PCDHGB4: variants seen among roughly 807,000 people sequenced by gnomAD.
PCDHGB4 encodes the protein protocadherin gamma-B4.
PCDHGB4 carries 38 observed loss-of-function variants against 60.5 expected under a neutral mutation model. That is an observed-to-expected ratio of 0.63 (90% CI 0.48 to 0.82). The LOEUF is 0.82. Ranked by LOEUF, PCDHGB4 falls within the 40% of genes least tolerant of loss-of-function variation. PCDHGB4 has a pLI of 0.00. For missense variants in PCDHGB4, 1,109 were observed against 1,209.6 expected (o/e 0.92, Z 1.23); for synonymous variants, 456 against 509.7 (o/e 0.89, Z 1.42).
At chr5:141,459,670 T>A (rs890411975) in intron 1 of PCDHGB4, among the ~76,000 whole-genome samples, 4 of 152,264 alleles carry the variant, frequency 2.6e-5, no homozygotes, top group African/African-American at 9.6e-5. Context: ...TACATTTTCA[T>A]GAGCAATGCA....
chr5:141,419,632 G>A (rs1210031265), intron 1 of PCDHGB4: 1 of 1,612,432 alleles, frequency 6.2e-7, no homozygotes, highest in Admixed American at 1.7e-5. Flanking sequence ...TGACCAAGGT[G>A]GTGGCCGTGG....
intron 1 of PCDHGB4, chr5:141,419,831 G>C: frequency 1.9e-6 from 3 of 1,614,048 alleles, no homozygotes; most frequent in Non-Finnish European, 2.5e-6. Context: ...TTCAGCCACT[G>C]CCACGCTGCA....
intron 1 of PCDHGB4, chr5:141,478,331 G>C: frequency 6.2e-7 from 1 of 1,613,956 alleles, no homozygotes; most frequent in Non-Finnish European, 8.5e-7. Context: ...CCGAACACCA[G>C]GGCCCTCCTT....
intron 1 of PCDHGB4, chr5:141,421,919 TG>T: frequency 6.2e-7 from 1 of 1,613,642 alleles, no homozygotes; most frequent in Non-Finnish European, 8.5e-7. Flanking sequence ...CCCATTCGTG[TG>T]GTGGTCCTCG....
At chr5:141,394,486 A>G (rs1446259630) in intron 1 of PCDHGB4, 2 of 1,613,980 alleles carry the variant, frequency 1.2e-6, no homozygotes, top group Non-Finnish European at 8.5e-7. Flanking sequence ...CAGAATGACA[A>G]CGCGCCCGAG....
chr5:141,395,222 A>G, intron 1 of PCDHGB4: 2 of 1,611,606 alleles, frequency 1.2e-6, no homozygotes, highest in Non-Finnish European at 1.7e-6. Flanking sequence ...ATAAGAATGA[A>G]GCTGATCATG....
rs1453419469 is a variant in PCDHGB4, at chr5:141,505,501, G to A, written c.2545+20G>A. On this transcript the variant is annotated intron_variant, in intron 3 of 3. Transcript: ENST00000519479. ...CCAGTGGTAAGTGGTGTCAGTGTGT[G>A]TATGGAAGAGTGGGAGACCTGGGGT... The A allele has an allele frequency of 1.2e-6, 2 of 1,614,156 alleles. No homozygotes were observed. Among genetic ancestry groups the A allele is most frequent in the Non-Finnish European group, 1.7e-6 (2 of 1,179,970 alleles).
rs56854727 is a variant in PCDHGB4, at chr5:141,438,635, TACACACAC to T, written c.2397+48364_2397+48371del. ...ATATATATATATATATATATATATA[TACACACAC>T]ACACACACATATATGTATATATATA... On this transcript the variant is annotated intron_variant, in intron 1 of 3. Transcript: ENST00000519479. Among the ~76,000 whole-genome samples, 72 of 33,376 alleles carry T rather than the reference TACACACAC, an allele frequency of 2.2e-3. 1 individual carries two copies. Among genetic ancestry groups the T allele is most frequent in the Non-Finnish European group, 3.0e-3 (57 of 18,970 alleles). The allele number at this position is 33,376 out of a possible 152,430, so 21.9% of individuals were successfully genotyped here.
At position 141,428,173 on chromosome 5, in the gene PCDHGB4, C is replaced by T. The variant is rs192741775; in HGVS notation, c.2397+37892C>T. The T allele has an allele frequency of 3.3e-6, 5 of 1,514,730 alleles. No homozygotes were observed. In the East Asian group the frequency reaches 9.1e-5, roughly 28 times the overall value. 93.8% of individuals were successfully genotyped at this position (1,514,730 alleles called of 1,614,324 possible). A position where few individuals can be genotyped will look rare whatever the true frequency, so the allele number is the denominator to read the frequency against. On this transcript the variant is annotated intron_variant, in intron 1 of 3. Transcript: ENST00000519479. ...GGAACCTGCTGGTTGCTGTGCGTGA[C>T]GGAGGACAGCCGCCGCTCTCTGCGC... is the stretch of plus-strand genomic sequence containing the variant.
chr5:141,470,911 G>C (rs1208467445), intron 1 of PCDHGB4, among the ~76,000 whole-genome samples: 1 of 151,916 alleles, frequency 6.6e-6, no homozygotes, highest in African/African-American at 2.4e-5. Context: ...AGATGGGACT[G>C]TCCCTATGTT....
In PCDHGB4 at chr5:141,478,818, C is replaced by T. The variant is rs980032138; in HGVS notation, c.2398-15989C>T. ...AGCACTCTTTTGCTATCACAACTAA[C>T]CAATCTTGCTAAGGGATGGTTAAGC... On this transcript the variant is annotated intron_variant, in intron 1 of 3. Transcript: ENST00000519479. The T allele has an allele frequency of 2.1e-5, 30 of 1,449,330 alleles. No individual in the cohort carries two copies. The African/African-American group carries it at 3.3e-4, about 16-fold the overall frequency. 89.8% of individuals were successfully genotyped at this position (1,449,330 alleles called of 1,614,324 possible). A position where few individuals can be genotyped will look rare whatever the true frequency, so the allele number is the denominator to read the frequency against.
In PCDHGB4 at chr5:141,418,980, A is replaced by G; in HGVS notation, c.2397+28699A>G. 1 of 1,614,004 alleles carries G rather than the reference A, an allele frequency of 6.2e-7. No individual in the cohort carries two copies. ...GTTGCCCTCTTCAAAACACGGGACC[A>G]AGACTCAGGGGAAAATGGGGAAGTC... On this transcript the variant is annotated intron_variant, in intron 1 of 3. Transcript: ENST00000519479.
rs778198822 is a variant in PCDHGB4 at position 141,432,802 on chromosome 5, A to G, written c.2397+42521A>G. 29 of 1,613,964 alleles carry G rather than the reference A, an allele frequency of 1.8e-5. No individual in the cohort carries two copies. The African/African-American group carries it at 3.6e-4, about 20-fold the overall frequency. On this transcript the variant is annotated intron_variant, in intron 1 of 3. Coordinates refer to ENST00000519479, the MANE Select transcript of PCDHGB4 (RefSeq NM_003736.4). This position sits in a 1 kb window ranked among gnomAD's most constrained non-coding sequence, Gnocchi z 6.0. ...CGGACCTCGGCAGCCTCGAGTCTCC[A>G]GCTAACTCTGAAACCTCAGACCTCA...
Position 141,491,140 on chromosome 5 carries a change from T to A in PCDHGB4, c.2398-3667T>A, listed in dbSNP as rs1392575961. On this transcript the variant is annotated intron_variant, in intron 1 of 3. Coordinates refer to ENST00000519479, the MANE Select transcript of PCDHGB4 (RefSeq NM_003736.4). This position sits in a 1 kb window ranked among gnomAD's most constrained non-coding sequence, Gnocchi z 6.9. ...TGGTGAGGTGCGCACAGCCCGGGCC[T>A]TACTGGAGGATGACTCTGACACCCA... 2 of 1,614,110 alleles carry A rather than the reference T, an allele frequency of 1.2e-6. No individual in the cohort carries two copies. Among genetic ancestry groups the A allele is most frequent in the Non-Finnish European group, 1.7e-6 (2 of 1,179,992 alleles).
chr5:141,408,720 A>T, intron 1 of PCDHGB4: 1 of 1,611,332 alleles, frequency 6.2e-7, no homozygotes, highest in Non-Finnish European at 8.5e-7. Context: ...TATAAGATAA[A>T]CTCTAATCCT....
chr5:141,387,911 C>G lies in PCDHGB4; in HGVS notation c.27C>G (p.Gly9=), dbSNP rs2091149943. 8 of 1,495,982 alleles carry G rather than the reference C, an allele frequency of 5.3e-6. No homozygotes were observed. Among genetic ancestry groups the G allele is most frequent in the Non-Finnish European group, 7.1e-6 (8 of 1,128,628 alleles). 92.7% of individuals were successfully genotyped at this position (1,495,982 alleles called of 1,614,324 possible). A position where few individuals can be genotyped will look rare whatever the true frequency, so the allele number is the denominator to read the frequency against. ...TGGGGAGCGGCGCCGGGGAGCTGGG[C>G]CGGGCTGAGAGGCTGCCAGTGCTCT... MGSGAGEL[G]RAERLPVLFL... The change falls in exon 1 of 4, where the codon GGC becomes GGG. Residue 9 remains glycine (G), a synonymous_variant. Transcript: ENST00000519479.
rs1378433689 is a variant in PCDHGB4, at chr5:141,409,139, G to A, written c.2397+18858G>A. Reference sequence around the variant, plus strand: ...CCAGTCATTTGATTTTGAAGATGTAGAAAGGTACACCATGGAAGTGGAAGC... The same window carrying A: ...CCAGTCATTTGATTTTGAAGATGTAAAAAGGTACACCATGGAAGTGGAAGC... On this transcript the variant is annotated intron_variant, in intron 1 of 3. Transcript: ENST00000519479. 5.6e-6 allele frequency: 9 copies of A among 1,613,894 alleles called. No homozygotes were observed. In the Admixed American group the frequency reaches 1.5e-4, roughly 27 times the overall value.
chr5:141,397,953 C>A, intron 1 of PCDHGB4: 2 of 962,110 alleles, frequency 2.1e-6, no homozygotes. Flanking sequence ...CAGGGCAGCC[C>A]CAGCTCAGAC....
rs756476818 is a variant in PCDHGB4 at position 141,431,027 on chromosome 5, A to G, written c.2397+40746A>G. The G allele has an allele frequency of 6.2e-6, 10 of 1,614,034 alleles. No homozygotes were observed. The highest frequency in any genetic ancestry group is 1.1e-5 in the South Asian group (1 of 91,078). On this transcript the variant is annotated intron_variant, in intron 1 of 3. Coordinates refer to ENST00000519479, the MANE Select transcript of PCDHGB4 (RefSeq NM_003736.4). This position sits in a 1 kb window ranked among gnomAD's most constrained non-coding sequence, Gnocchi z 4.8. ...CGGCAGCTTGGTCACGGCGGGCAGG[A>G]TAGACCGGGAGGAGCTCTGTATGGG...
Sources: gnomAD v4.1 joint callset for allele counts (sites outside exome capture counted in the v4.1 genomes callset) on GRCh38, gnomAD v4.1.1 for gene constraint, Gnocchi (gnomAD v3.1) non-coding constraint, MANE v1.5 for transcripts, NCBI Gene and HGNC (gene_info 2026-07-23, HGNC 2026-07-21) for gene names.